The following KLF8 variants were observed in gnomAD, a reference collection of about 807,000 sequenced individuals.
KLF8 encodes Krueppel-like factor 8.
KLF8 carries 10 observed loss-of-function variants against 18.2 expected under a neutral mutation model. That is an observed-to-expected ratio of 0.55 (90% CI 0.34 to 0.93). The LOEUF (loss-of-function observed/expected upper bound fraction) is 0.93. Among genes scored for constraint, KLF8 ranks in the 40% least tolerant of loss-of-function variants. KLF8 has a pLI of 0.02. For synonymous variants in KLF8, 109 were observed against 97.3 expected (o/e 1.12, Z -0.71); for missense variants, 264 against 277.9 (o/e 0.95, Z 0.36).
chrX:56,188,277 C>A, the KLF8 span, among the ~76,000 whole-genome samples: 1 of 111,032 alleles, frequency 9.0e-6, no homozygotes, highest in Non-Finnish European at 1.9e-5. Context: ...ACAATTGCTT[C>A]AAAGAGAATA....
the KLF8 span, among the ~76,000 whole-genome samples, chrX:56,014,526 G>A: frequency 8.9e-6 from 1 of 112,412 alleles, no homozygotes; most frequent in African/African-American, 3.2e-5. Flanking sequence ...TACACTGTTG[G>A]TGGGAATGTA....
At chrX:55,979,087 GGC>G in the KLF8 span, among the ~76,000 whole-genome samples, 5 of 22,831 alleles carry the variant, frequency 2.2e-4, no homozygotes, top group Admixed American at 1.6e-3. Flanking sequence ...AAGCATATAG[GGC>G]GAGAGAGAGA....
the KLF8 span, among the ~76,000 whole-genome samples, chrX:55,989,135 A>G: frequency 3.6e-5 from 4 of 112,056 alleles, no homozygotes; most frequent in South Asian, 1.5e-3. Flanking sequence ...ATATACAAAC[A>G]TGTCGTCTGC....
At chrX:55,959,347 C>G in the KLF8 span, among the ~76,000 whole-genome samples, 2 of 112,028 alleles carry the variant, frequency 1.8e-5, no homozygotes, top group African/African-American at 6.5e-5. Flanking sequence ...ACTCTGGCAA[C>G]TCTAAAAACC....
chrX:56,197,150 C>T, the KLF8 span, among the ~76,000 whole-genome samples: 3 of 111,158 alleles, frequency 2.7e-5, no homozygotes, highest in East Asian at 5.6e-4. Context: ...CAGGAAAGAT[C>T]TAAATTTGAC....
the KLF8 span, among the ~76,000 whole-genome samples, chrX:56,024,114 C>T: frequency 3.6e-5 from 4 of 111,537 alleles, no homozygotes; most frequent in Non-Finnish European, 7.5e-5. Flanking sequence ...TGTTTCCACA[C>T]ATTTAATTTT....
At chrX:56,196,198 A>G in the KLF8 span, among the ~76,000 whole-genome samples, 5 of 111,420 alleles carry the variant, frequency 4.5e-5, no homozygotes, top group African/African-American at 1.6e-4. Context: ...ACCAACTAAC[A>G]TCATAATGAC....
chrX:55,920,995 G>A, the KLF8 span, among the ~76,000 whole-genome samples: 18 of 111,799 alleles, frequency 1.6e-4, no homozygotes, highest in South Asian at 3.7e-4. Flanking sequence ...TGATGAAGCC[G>A]CCAAAAGCAA....
At chrX:56,157,343 C>A in the KLF8 span, among the ~76,000 whole-genome samples, 2 of 109,424 alleles carry the variant, frequency 1.8e-5, no homozygotes, top group Admixed American at 2.0e-4. Flanking sequence ...ATGTAACAAA[C>A]CTTCACTTTG....
At chrX:56,105,274 A>T in the KLF8 span, among the ~76,000 whole-genome samples, 3 of 111,036 alleles carry the variant, frequency 2.7e-5, no homozygotes, top group Non-Finnish European at 3.8e-5. Flanking sequence ...ATCCTTGTTA[A>T]CCTTCTGTCT....
chrX:56,156,414 A>T, the KLF8 span, among the ~76,000 whole-genome samples: 6 of 109,602 alleles, frequency 5.5e-5, no homozygotes, highest in Non-Finnish European at 9.5e-5. Flanking sequence ...TAGGCCCCAG[A>T]GTATGTTGTT....
chrX:56,183,058 G>GC, the KLF8 span, among the ~76,000 whole-genome samples: 1 of 112,488 alleles, frequency 8.9e-6, no homozygotes, highest in African/African-American at 3.2e-5. Flanking sequence ...GCTATGCCCT[G>GC]CCCCCAGAGC....
the KLF8 span, among the ~76,000 whole-genome samples, chrX:56,025,332 G>A: frequency 9.0e-6 from 1 of 111,724 alleles, no homozygotes; most frequent in Non-Finnish European, 1.9e-5. Flanking sequence ...CTAGAGATAC[G>A]TGCTCTCCTT....
At chrX:55,920,998 A>G in the KLF8 span, among the ~76,000 whole-genome samples, 1 of 112,189 alleles carries the variant, frequency 8.9e-6, no homozygotes, top group Non-Finnish European at 1.9e-5. Flanking sequence ...TGAAGCCGCC[A>G]AAAGCAATTG....
chrX:55,927,510 C>T, the KLF8 span, among the ~76,000 whole-genome samples: 1 of 111,462 alleles, frequency 9.0e-6, no homozygotes, highest in African/African-American at 3.3e-5. Context: ...GGGTTCAACC[C>T]CCCATTCCTC....
the KLF8 span, among the ~76,000 whole-genome samples, chrX:56,162,363 G>C: frequency 2.7e-5 from 3 of 111,999 alleles, no homozygotes; most frequent in Admixed American, 1.9e-4. Context: ...GCCCTGCCCC[G>C]GTGCTGTAGT....
the KLF8 span, among the ~76,000 whole-genome samples, chrX:56,208,304 T>C: frequency 2.7e-5 from 3 of 112,226 alleles, no homozygotes; most frequent in Non-Finnish European, 5.6e-5. Context: ...ATCCTTAGAA[T>C]TTCTGCAGTA....
At chrX:56,165,355 G>A in the KLF8 span, among the ~76,000 whole-genome samples, 2 of 112,346 alleles carry the variant, frequency 1.8e-5, no homozygotes. Flanking sequence ...GGCTAGACAA[G>A]TAGTAATTTC....
chrX:55,946,718 A>C, the KLF8 span, among the ~76,000 whole-genome samples: 6 of 111,621 alleles, frequency 5.4e-5, no homozygotes, highest in South Asian at 1.5e-3. Context: ...AATGGGAGAA[A>C]ATTTTCGCAA....
Sources: gnomAD v4.1 joint callset for allele counts (sites outside exome capture counted in the v4.1 genomes callset) on GRCh38, gnomAD v4.1.1 for gene constraint, MANE v1.5 for transcripts, NCBI Gene and HGNC (gene_info 2026-07-23, HGNC 2026-07-21) for gene names.